The following DMD variants were observed in gnomAD, a reference collection of about 807,000 sequenced individuals.
DMD encodes the protein mutant dystrophin.
DMD carries 63 observed loss-of-function variants against 330.1 expected under a neutral mutation model. The ratio of observed to expected loss-of-function variants is 0.19; its 90% CI spans 0.16 to 0.24. The LOEUF is 0.24. Ranked by LOEUF, DMD falls within the 10% of genes least tolerant of loss-of-function variation. The probability of loss-of-function intolerance (pLI) is 1.00; values close to 1 mark genes in which losing one functional copy is unlikely to be tolerated. For synonymous variants in DMD, 1,223 were observed against 959.8 expected (o/e 1.27, Z -5.07); for missense variants, 3,344 against 2,684.1 (o/e 1.25, Z -5.43).
intron 51 of DMD, among the ~76,000 whole-genome samples, chrX:31,738,549 T>C (rs2087045980): frequency 8.9e-6 from 1 of 112,093 alleles, no homozygotes; most frequent in Admixed American, 9.4e-5. Flanking sequence ...AGAGCTACCA[T>C]ATAATATAGC....
intron 17 of DMD, among the ~76,000 whole-genome samples, chrX:32,526,529 A>G (rs990981486): frequency 9.0e-6 from 1 of 111,366 alleles, no homozygotes; most frequent in Non-Finnish European, 1.9e-5. Flanking sequence ...GGGCATATAT[A>G]CCAAATATTC....
At chrX:31,197,571 G>T (rs750489132) in intron 67 of DMD, among the ~76,000 whole-genome samples, 1 of 111,833 alleles carries the variant, frequency 8.9e-6, no homozygotes, top group African/African-American at 3.2e-5. Flanking sequence ...AAATTCAGAA[G>T]ATAGATGGAA....
intron 62 of DMD, among the ~76,000 whole-genome samples, chrX:31,286,756 TTTTC>T (rs2053241785): frequency 8.9e-6 from 1 of 112,265 alleles, no homozygotes; most frequent in South Asian, 3.7e-4. Context: ...TCTACACGTT[TTTTC>T]TTTCTTTTTT....
chrX:32,359,782 T>TC (rs1246031648), intron 37 of DMD, among the ~76,000 whole-genome samples: 8 of 111,174 alleles, frequency 7.2e-5, no homozygotes, highest in Non-Finnish European at 7.6e-5. Flanking sequence ...CTGAATTCAA[T>TC]CATAGGAAGG....
intron 43 of DMD, among the ~76,000 whole-genome samples, chrX:32,264,042 C>T (rs1385635921): frequency 9.0e-6 from 1 of 111,482 alleles, no homozygotes; most frequent in East Asian, 2.8e-4. Context: ...TTGGCTGTGT[C>T]CCCACCCAAA....
At chrX:32,582,262 A>C (rs967014057) in intron 13 of DMD, among the ~76,000 whole-genome samples, 2 of 111,629 alleles carry the variant, frequency 1.8e-5, no homozygotes, top group Non-Finnish European at 3.8e-5. Flanking sequence ...CATCTGAATA[A>C]TACTACAGAT....
intron 7 of DMD, chrX:32,755,021 CTTACGGCCTGAGTT>C (rs1289450750): frequency 1.8e-5 from 2 of 111,287 alleles, no homozygotes; most frequent in African/African-American, 3.3e-5. Context: ...AAAGCCTTTC[CTTACGGCCTGAGTT>C]TTGGTTCAAT....
chrX:33,246,023 G>C (rs1488704934), intron 1 of DMD, among the ~76,000 whole-genome samples: 1 of 111,889 alleles, frequency 8.9e-6, no homozygotes, highest in Admixed American at 9.5e-5. Context: ...AATGTTAGAA[G>C]TATTTGAACT....
At chrX:32,564,386 G>T (rs887646163) in intron 16 of DMD, among the ~76,000 whole-genome samples, 2 of 111,456 alleles carry the variant, frequency 1.8e-5, no homozygotes, top group East Asian at 5.6e-4. Context: ...GGAAGCAATG[G>T]GTACATATGG....
chrX:31,683,051 T>C (rs1014930788), intron 52 of DMD, among the ~76,000 whole-genome samples: 5 of 112,291 alleles, frequency 4.5e-5, no homozygotes, highest in Admixed American at 1.9e-4. Flanking sequence ...AAAGTGGTCA[T>C]ATGTGTGTTA....
In DMD at chrX:32,600,374, A is replaced by G. The variant is rs187153335; in HGVS notation, c.1483-4498T>C. 5.4e-5 allele frequency among the ~76,000 whole-genome samples: 6 copies of G among 111,983 alleles called. No homozygotes were observed. In the Admixed American group the frequency reaches 5.7e-4, roughly 11 times the overall value. On this transcript the variant is annotated intron_variant, in intron 12 of 78. Transcript: ENST00000357033. The stretch of plus-strand genomic sequence containing the variant: ...ATCGAAAGGCAGTATAATAGAAAAC[A>G]AAAACAAGGATGGGTATCCTGTAAA...
intron 52 of DMD, among the ~76,000 whole-genome samples, chrX:31,712,564 A>G (rs1443003373): frequency 9.1e-6 from 1 of 110,327 alleles, no homozygotes. Context: ...AATGATTGTA[A>G]TATTTTCGTT....
intron 7 of DMD, among the ~76,000 whole-genome samples, chrX:32,733,093 A>T (rs746172273): frequency 9.3e-6 from 1 of 107,893 alleles, no homozygotes; most frequent in East Asian, 2.9e-4. Context: ...GGAAAACAAA[A>T]AAAGGCAGGG....
chrX:32,579,453 A>G (rs1601850278), intron 13 of DMD, among the ~76,000 whole-genome samples: 1 of 112,081 alleles, frequency 8.9e-6, no homozygotes. Flanking sequence ...ATTTGACCTC[A>G]GATCCATTTG....
chrX:31,573,463 C>A (rs1279285375), intron 55 of DMD, among the ~76,000 whole-genome samples: 1 of 111,198 alleles, frequency 9.0e-6, no homozygotes, highest in Non-Finnish European at 1.9e-5. Context: ...AGATTTTGTA[C>A]CTCTGGATCT....
chrX:31,926,282 C>T (rs772879249), intron 47 of DMD, among the ~76,000 whole-genome samples: 4 of 111,640 alleles, frequency 3.6e-5, no homozygotes, highest in Non-Finnish European at 5.6e-5. Context: ...CATAAATTTA[C>T]GCTAATGGCT....
intron 44 of DMD, among the ~76,000 whole-genome samples, chrX:32,031,093 G>A (rs1170113609): frequency 9.1e-6 from 1 of 110,082 alleles, no homozygotes; most frequent in Non-Finnish European, 1.9e-5. Context: ...GGATTCTACT[G>A]GTTCACGTCA....
At chrX:31,980,309 G>A (rs1248244926) in intron 44 of DMD, among the ~76,000 whole-genome samples, 1 of 111,797 alleles carries the variant, frequency 8.9e-6, no homozygotes, top group Non-Finnish European at 1.9e-5. Context: ...ATCAAAAGGA[G>A]AATAGATAAA....
chrX:32,244,193 G>A (rs1412926555), intron 43 of DMD, among the ~76,000 whole-genome samples: 2 of 99,213 alleles, frequency 2.0e-5, no homozygotes, highest in African/African-American at 3.7e-5. Flanking sequence ...CCCCACCTAT[G>A]AGTGAGAATA....
Sources: gnomAD v4.1 joint callset for allele counts (sites outside exome capture counted in the v4.1 genomes callset) on GRCh38, gnomAD v4.1.1 for gene constraint, MANE v1.5 for transcripts, NCBI Gene and HGNC (gene_info 2026-07-23, HGNC 2026-07-21) for gene names.